The following LANCL2 variants were observed in gnomAD, a reference collection of about 807,000 sequenced individuals.
LANCL2 encodes LanC like glutathione S-transferase 2, also known as lanC-like protein 2.
A neutral mutation model predicts 56.9 loss-of-function variants in LANCL2; 33 were observed. The observed-to-expected ratio is 0.58, with a 90% confidence interval of 0.44 to 0.78. LANCL2 has a LOEUF of 0.78. Ranked by LOEUF, LANCL2 falls within the 30% of genes least tolerant of loss-of-function variation. LANCL2 has a pLI of 0.00. For synonymous variants in LANCL2, 233 were observed against 228.2 expected (o/e 1.02, Z -0.19); for missense variants, 562 against 580.2 (o/e 0.97, Z 0.32).
At chr7:55,428,930 G>A (rs1440184999) in intron 8 of LANCL2, among the ~76,000 whole-genome samples, 1 of 152,162 alleles carries the variant, frequency 6.6e-6, no homozygotes, top group East Asian at 1.9e-4. Flanking sequence ...TGATAGGCAG[G>A]CAGTGAAAGC....
chr7:55,426,596 G>A (rs1288197691), intron 7 of LANCL2, among the ~76,000 whole-genome samples: 1 of 152,190 alleles, frequency 6.6e-6, no homozygotes, highest in African/African-American at 2.4e-5. Context: ...AAGCATGAAG[G>A]AGGCTGTGGA....
intron 1 of LANCL2, among the ~76,000 whole-genome samples, chr7:55,367,962 T>C (rs935569763): frequency 2.6e-5 from 4 of 152,262 alleles, no homozygotes; most frequent in Non-Finnish European, 5.9e-5. Context: ...GTTTCATTTG[T>C]GACTTAGTGT....
chr7:55,400,424 T>A (rs918431541), intron 4 of LANCL2, among the ~76,000 whole-genome samples: 1 of 152,208 alleles, frequency 6.6e-6, no homozygotes, highest in Admixed American at 6.5e-5. Context: ...GACCAGCTTC[T>A]TCTGTCTCAT....
chr7:55,371,509 C>T (rs1003098329), intron 1 of LANCL2, among the ~76,000 whole-genome samples: 1 of 152,126 alleles, frequency 6.6e-6, no homozygotes, highest in African/African-American at 2.4e-5. Context: ...GAATTGTTTC[C>T]TTTGCTGTGC....
At chr7:55,426,746 C>T (rs567457486) in intron 7 of LANCL2, among the ~76,000 whole-genome samples, 36 of 152,304 alleles carry the variant, frequency 2.4e-4, no homozygotes, top group Middle Eastern at 3.4e-3. Context: ...TCCAAAGGCC[C>T]GGAGGTGTGA....
chr7:55,420,656 T>A (rs991896083), intron 6 of LANCL2, among the ~76,000 whole-genome samples: 3 of 152,224 alleles, frequency 2.0e-5, no homozygotes, highest in Non-Finnish European at 2.9e-5. Flanking sequence ...CCATGCAGTT[T>A]CTGCAACCAC....
chr7:55,422,890 A>G (rs999856279), intron 6 of LANCL2, among the ~76,000 whole-genome samples: 1 of 152,144 alleles, frequency 6.6e-6, no homozygotes, highest in African/African-American at 2.4e-5. Context: ...CGTTTGGGTC[A>G]TCTTGGGATC....
Position 55,385,896 on chromosome 7 carries a change from G to T in LANCL2, c.205-5897G>T, listed in dbSNP as rs1790120134. Among the ~76,000 whole-genome samples, 4 of 152,152 alleles carry T rather than the reference G, an allele frequency of 2.6e-5. No individual in the cohort carries two copies. The South Asian group carries it at 8.3e-4, about 31-fold the overall frequency. ...AGACAGGTACGCCTTGTGGGGGCCA[G>T]TTCAGAGACCTACCCCTAGGTGCGC... On this transcript the variant is annotated intron_variant, in intron 1 of 8. Coordinates refer to ENST00000254770, the MANE Select transcript of LANCL2 (RefSeq NM_018697.4).
rs750313700 is a variant in LANCL2, at chr7:55,401,191, T to C, written c.696T>C (p.Ile232=). The change falls in exon 5 of 9, where the codon ATT becomes ATC. Residue 232 remains isoleucine, a synonymous_variant. Transcript: ENST00000254770. ...SAIKEVVNAI[I]ESGKTLSREE... The stretch of plus-strand genomic sequence containing the variant: ...CTCTGTAGGTAGTCAATGCTATTAT[T>C]GAATCGGGTAAGACTTTGTCAAGGG... The C allele has an allele frequency of 6.2e-7, 1 of 1,614,080 alleles. No homozygotes were observed. Among genetic ancestry groups the C allele is most frequent in the Non-Finnish European group, 8.5e-7 (1 of 1,179,966 alleles).
chr7:55,377,090 G>C (rs1005831563), intron 1 of LANCL2, among the ~76,000 whole-genome samples: 3 of 152,138 alleles, frequency 2.0e-5, no homozygotes, highest in Admixed American at 2.0e-4. Context: ...ACAGTTGTTA[G>C]AGTGTTGATT....
intron 8 of LANCL2, among the ~76,000 whole-genome samples, chr7:55,429,476 TATC>T (rs1394986272): frequency 1.3e-5 from 2 of 152,250 alleles, no homozygotes; most frequent in Non-Finnish European, 1.5e-5. Context: ...TGGTATTCCT[TATC>T]ATCCTCTGTC....
At chr7:55,395,932 C>A (rs1263747729) in intron 2 of LANCL2, among the ~76,000 whole-genome samples, 1 of 152,226 alleles carries the variant, frequency 6.6e-6, no homozygotes, top group Non-Finnish European at 1.5e-5. Context: ...GCCAACTACA[C>A]CCCTGTGCTC....
chr7:55,399,625 G>A (rs1201640740), intron 3 of LANCL2, among the ~76,000 whole-genome samples: 5 of 152,188 alleles, frequency 3.3e-5, no homozygotes, highest in Non-Finnish European at 7.3e-5. Context: ...TTATAGGCGT[G>A]AGCCACCGTG....
chr7:55,403,292 A>T (rs1161545237), intron 5 of LANCL2, among the ~76,000 whole-genome samples: 1 of 152,176 alleles, frequency 6.6e-6, no homozygotes, highest in Non-Finnish European at 1.5e-5. Flanking sequence ...AAAATACGAA[A>T]ACCAGTCAGG....
At chr7:55,386,755 C>T (rs1300168957) in intron 1 of LANCL2, among the ~76,000 whole-genome samples, 1 of 152,218 alleles carries the variant, frequency 6.6e-6, no homozygotes, top group East Asian at 1.9e-4. Flanking sequence ...AAGGTATCAT[C>T]TTCCAGCTGC....
chr7:55,425,377 C>G lies in LANCL2; in HGVS notation c.1132C>G (p.Leu378Val). Residue 378 changes from leucine (L) to valine (V), a missense_variant, in exon 7 of 9, where the codon CTG (leucine) becomes GTG (valine). Around this residue, in one of 2 missense-constraint regions of LANCL2, gnomAD observed 378 missense variants for 468.4 expected, o/e 0.81. Coordinates refer to ENST00000254770, the MANE Select transcript of LANCL2 (RefSeq NM_018697.4). ...HGTAGNGYSF[L>V]SLYRLTQDKK... ...GACTGCTGGCAACGGCTATTCCTTCCTGTCCCTTTACCGTCTCACGCAGGA... is the reference window on the plus strand; with the variant it reads ...GACTGCTGGCAACGGCTATTCCTTCGTGTCCCTTTACCGTCTCACGCAGGA... 6.2e-7 allele frequency: 1 copy of G among 1,614,200 alleles called. No individual in the cohort carries two copies. Among genetic ancestry groups the G allele is most frequent in the African/African-American group, 1.3e-5 (1 of 75,034 alleles).
chr7:55,396,086 A>T (rs984381772), intron 2 of LANCL2, among the ~76,000 whole-genome samples: 9 of 152,236 alleles, frequency 5.9e-5, no homozygotes, highest in African/African-American at 1.9e-4. Context: ...TATGATTACG[A>T]TCTTATGGGA....
chr7:55,367,671 G>C lies in LANCL2; in HGVS notation c.204+1442G>C, dbSNP rs1481474827. On this transcript the variant is annotated intron_variant, in intron 1 of 8. Coordinates refer to ENST00000254770, the MANE Select transcript of LANCL2 (RefSeq NM_018697.4). ...GCCTCGGAGGTCGAGGTTGCAGTGA[G>C]TGGAGATTGCGCCATTGCACTCCAG... 2.6e-5 allele frequency among the ~76,000 whole-genome samples: 4 copies of C among 152,234 alleles called. No individual in the cohort carries two copies. In the East Asian group the frequency reaches 7.7e-4, roughly 29 times the overall value.
intron 5 of LANCL2, among the ~76,000 whole-genome samples, chr7:55,405,770 G>A (rs563180400): frequency 6.6e-6 from 1 of 152,130 alleles, no homozygotes; most frequent in East Asian, 1.9e-4. Flanking sequence ...TTCCTTGGGA[G>A]GAATACAAAT....
Sources: allele counts gnomAD v4.1 joint callset (sites outside exome capture counted in the v4.1 genomes callset), GRCh38; gene constraint gnomAD v4.1.1; regional missense constraint gnomAD v4.1.1; transcripts MANE v1.5; gene names NCBI Gene and HGNC (gene_info 2026-07-23, HGNC 2026-07-21).